B9D1: variants seen among roughly 807,000 people sequenced by gnomAD.
B9D1 encodes the protein B9 domain containing 1.
In B9D1, 20 loss-of-function variants were observed where a neutral mutation model predicts 26.1. That is an observed-to-expected ratio of 0.77 (90% CI 0.54 to 1.12). The LOEUF (loss-of-function observed/expected upper bound fraction) is 1.12, where lower values mean the gene tolerates loss of function less well. B9D1 is among the 50% of genes most tolerant of loss of function. The pLI is 0.00. For missense variants in B9D1, 260 were observed against 273.7 expected (o/e 0.95, Z 0.35); for synonymous variants, 105 against 103.1 (o/e 1.02, Z -0.11).
At chr17:19,344,557 C>T in intron 5 of B9D1, 1 of 246,704 alleles carries the variant, frequency 4.1e-6, no homozygotes, top group Non-Finnish European at 8.6e-6. Context: ...CTATTCCCGG[C>T]CGGGTGGGTC....
At chr17:19,356,477 C>T (rs1255156519) in intron 3 of B9D1, among the ~76,000 whole-genome samples, 1 of 152,182 alleles carries the variant, frequency 6.6e-6, no homozygotes, top group Non-Finnish European at 1.5e-5. Context: ...TTGAAATCAT[C>T]AGGGGCTGAG....
chr17:19,349,790 T>C (rs1909343269), intron 3 of B9D1, among the ~76,000 whole-genome samples: 2 of 152,244 alleles, frequency 1.3e-5, no homozygotes, highest in Non-Finnish European at 2.9e-5. Context: ...AATTTTAATA[T>C]AGTCAACTTC....
In B9D1 at chr17:19,370,735, GCCAGGCCT is replaced by G. The variant is rs1306566462; in HGVS notation, c.-298+7116_-298+7123del. ...ATCTGGCCGTGAGGTCAGCCACCCA[GCCAGGCCT>G]CTGGAAGCCATGGGCAGCCACTTCC... On this transcript the variant is annotated intron_variant, in intron 1 of 5. Coordinates refer to the B9D1 transcript ENST00000477478. The surrounding 1 kb of genome is among the most constrained non-coding windows in gnomAD (Gnocchi z 5.1). 6.6e-6 allele frequency among the ~76,000 whole-genome samples: 1 copy of G among 152,192 alleles called. No homozygotes were observed. Among genetic ancestry groups the G allele is most frequent in the Non-Finnish European group, 1.5e-5 (1 of 68,028 alleles).
At chr17:19,352,133 G>A (rs910991891) in intron 3 of B9D1, among the ~76,000 whole-genome samples, 3 of 151,928 alleles carry the variant, frequency 2.0e-5, no homozygotes, top group African/African-American at 7.3e-5. Flanking sequence ...CGATCCTACC[G>A]CCTCAGCCTC....
upstream of B9D1, among the ~76,000 whole-genome samples, chr17:19,367,092 C>T (rs964831539): frequency 6.6e-6 from 1 of 152,224 alleles, no homozygotes; most frequent in East Asian, 1.9e-4. Flanking sequence ...ATACATGCTT[C>T]AGAAGGGGTG....
intron 1 of B9D1, among the ~76,000 whole-genome samples, chr17:19,377,028 A>T (rs1170872278): frequency 6.6e-6 from 1 of 152,122 alleles, no homozygotes; most frequent in African/African-American, 2.4e-5. Context: ...CCCAAAGGAG[A>T]CAAATGGCCA....
chr17:19,376,039 A>G (rs984625982), intron 1 of B9D1, among the ~76,000 whole-genome samples: 2 of 152,264 alleles, frequency 1.3e-5, no homozygotes, highest in Non-Finnish European at 2.9e-5. Context: ...ACAATGCAAT[A>G]TATTTGGCCA....
intron 1 of B9D1, among the ~76,000 whole-genome samples, chr17:19,362,133 G>A (rs1016856644): frequency 6.6e-6 from 1 of 152,222 alleles, no homozygotes; most frequent in East Asian, 1.9e-4. Flanking sequence ...ACGCGGGACA[G>A]TAACTCCACA....
At chr17:19,365,654 G>A (rs1303862190), upstream of B9D1, among the ~76,000 whole-genome samples, 2 of 152,100 alleles carry the variant, frequency 1.3e-5, no homozygotes, top group Non-Finnish European at 1.5e-5. The surrounding 1 kb of genome is among the most constrained non-coding windows in gnomAD (Gnocchi z 5.0). Flanking sequence ...ATCCAGCCCT[G>A]CGATCTCTGC....
At chr17:19,348,380 T>TG (rs1465911067) in intron 3 of B9D1, among the ~76,000 whole-genome samples, 45 of 152,310 alleles carry the variant, frequency 3.0e-4, no homozygotes, top group African/African-American at 1.0e-3. Flanking sequence ...TAGGTGTGGC[T>TG]GTTTTTACAC....
At chr17:19,365,552 A>C (rs895465583), upstream of B9D1, among the ~76,000 whole-genome samples, 2 of 152,238 alleles carry the variant, frequency 1.3e-5, no homozygotes, top group East Asian at 1.9e-4. This position sits in a 1 kb window ranked among gnomAD's most constrained non-coding sequence, Gnocchi z 5.0. Context: ...TGGAGGCCTC[A>C]GCCAGCCTGG....
At chr17:19,367,104 G>A (rs950630020), upstream of B9D1, among the ~76,000 whole-genome samples, 1 of 152,148 alleles carries the variant, frequency 6.6e-6, no homozygotes. Context: ...GAAGGGGTGT[G>A]TAGGACAATT....
At chr17:19,368,217 C>G (rs2152282534) in intron 1 of B9D1, among the ~76,000 whole-genome samples, 1 of 152,354 alleles carries the variant, frequency 6.6e-6, no homozygotes, top group Non-Finnish European at 1.5e-5. Context: ...TTCTGGGCCT[C>G]AAAATCTTCA....
chr17:19,338,040 T>G (rs777069926), downstream of B9D1, among the ~76,000 whole-genome samples: 2 of 152,194 alleles, frequency 1.3e-5, no homozygotes, highest in Non-Finnish European at 2.9e-5. Flanking sequence ...CTGGGCTCTG[T>G]GGAGTACAGA....
chr17:19,338,803 C>T (rs1907671899), downstream of B9D1, among the ~76,000 whole-genome samples: 2 of 152,236 alleles, frequency 1.3e-5, no homozygotes, highest in African/African-American at 4.8e-5. Flanking sequence ...TCTTGGTCAG[C>T]TCAGTGGAAT....
chr17:19,335,864 T>A (rs944009815), downstream of B9D1: 34 of 157,646 alleles, frequency 2.2e-4, no homozygotes, highest in Admixed American at 1.4e-3. Flanking sequence ...AGAAAAGACT[T>A]GCTTTTACCC....
upstream of B9D1, among the ~76,000 whole-genome samples, chr17:19,365,038 T>C (rs1436914028): frequency 6.6e-6 from 1 of 152,250 alleles, no homozygotes; most frequent in African/African-American, 2.4e-5. The surrounding 1 kb of genome is among the most constrained non-coding windows in gnomAD (Gnocchi z 5.0). Context: ...CCCAGGCTTC[T>C]GCTCCCATCC....
chr17:19,351,530 A>G (rs893781354), intron 3 of B9D1, among the ~76,000 whole-genome samples: 3 of 152,122 alleles, frequency 2.0e-5, no homozygotes, highest in East Asian at 1.9e-4. Context: ...AATCTTTTCA[A>G]TTCTAGGAGT....
At chr17:19,351,159 T>C (rs1598066195) in intron 3 of B9D1, among the ~76,000 whole-genome samples, 1 of 152,024 alleles carries the variant, frequency 6.6e-6, no homozygotes, top group East Asian at 1.9e-4. Flanking sequence ...TTTTCTTCTT[T>C]TTAATGTGGT....
Sources: gnomAD v4.1 joint callset for allele counts (sites outside exome capture counted in the v4.1 genomes callset) on GRCh38, gnomAD v4.1.1 for gene constraint, Gnocchi (gnomAD v3.1) non-coding constraint, MANE v1.5 for transcripts, NCBI Gene and HGNC (gene_info 2026-07-23, HGNC 2026-07-21) for gene names.